Variants in COPG2 observed in about 807,000 individuals in gnomAD.
COPG2 encodes the protein coatomer subunit gamma-2.
A neutral mutation model predicts 46.3 loss-of-function variants in COPG2; 37 were observed. The observed-to-expected ratio is 0.80, with a 90% CI of 0.61 to 1.05. The LOEUF (loss-of-function observed/expected upper bound fraction) is 1.05. Ranked by LOEUF, COPG2 falls within the 50% of genes least tolerant of loss-of-function variation. The probability of loss-of-function intolerance (pLI) is 0.00; values close to 1 mark genes in which losing one functional copy is unlikely to be tolerated. For missense variants in COPG2, 427 were observed against 387.8 expected (o/e 1.10, Z -0.85); for synonymous variants, 159 against 129.7 (o/e 1.23, Z -1.53).
At chr7:130,511,798 A>G (rs370677945) in intron 20 of COPG2, 3 of 519,504 alleles carry the variant, frequency 5.8e-6, no homozygotes, top group Non-Finnish European at 1.2e-5. Flanking sequence ...ATACACAGAA[A>G]GGGTTAAGGA....
At chr7:130,631,718 CAT>C (rs368224438) in intron 5 of COPG2, among the ~76,000 whole-genome samples, 13 of 138,696 alleles carry the variant, frequency 9.4e-5, no homozygotes, top group South Asian at 2.4e-4. Context: ...TTTTATTTTA[CAT>C]ATGTTATAAA....
intron 5 of COPG2, among the ~76,000 whole-genome samples, chr7:130,637,213 T>C (rs1183133040): frequency 3.9e-5 from 6 of 152,222 alleles, no homozygotes; most frequent in African/African-American, 1.4e-4. Context: ...GGGGTTGCTC[T>C]TCTCGAGGAG....
At chr7:130,602,306 C>A (rs960905400) in intron 9 of COPG2, among the ~76,000 whole-genome samples, 4 of 152,072 alleles carry the variant, frequency 2.6e-5, no homozygotes, top group Non-Finnish European at 5.9e-5. Context: ...TTTTCTTCGA[C>A]ATTTTGAAAG....
intron 5 of COPG2, among the ~76,000 whole-genome samples, chr7:130,622,220 G>A (rs138881002): frequency 1.2e-4 from 18 of 152,264 alleles, no homozygotes; most frequent in African/African-American, 3.4e-4. Context: ...GCAATCTTCC[G>A]AGGAGCCTTA....
chr7:130,555,589 G>A (rs895012097), intron 12 of COPG2, among the ~76,000 whole-genome samples: 1 of 152,188 alleles, frequency 6.6e-6, no homozygotes, highest in Non-Finnish European at 1.5e-5. Context: ...CACTGTGGGA[G>A]GCTAAGGTGG....
intron 7 of COPG2, among the ~76,000 whole-genome samples, chr7:130,612,694 T>C (rs1794873596): frequency 6.6e-6 from 1 of 152,138 alleles, no homozygotes; most frequent in Admixed American, 6.5e-5. Context: ...GTTAATCAAA[T>C]GCAATGTGAT....
chr7:130,541,231 C>T (rs1260314459), intron 20 of COPG2, among the ~76,000 whole-genome samples: 3 of 152,132 alleles, frequency 2.0e-5, no homozygotes, highest in African/African-American at 7.2e-5. Flanking sequence ...TTTTCCAATG[C>T]CTCGGTCCCA....
chr7:130,563,702 C>T lies in COPG2; in HGVS notation c.872-366G>A, dbSNP rs1793753955. ...CCAGGAGGCAGAGCTTGCAGTGAGC[C>T]GAGCTATCGTGCCACTGCACTCCTG... On this transcript the variant is annotated intron_variant, in intron 10 of 23. Coordinates refer to ENST00000425248, the MANE Select transcript of COPG2 (RefSeq NM_012133.6). Among the ~76,000 whole-genome samples, 5 of 143,236 alleles carry T rather than the reference C, an allele frequency of 3.5e-5. No individual in the cohort carries two copies. The South Asian group carries it at 1.1e-3, about 31-fold the overall frequency. 94.0% of individuals were successfully genotyped at this position (143,236 alleles called of 152,430 possible). A position where few individuals can be genotyped will look rare whatever the true frequency, so the allele number is the denominator to read the frequency against.
At chr7:130,600,418 G>A (rs1381730198) in intron 9 of COPG2, among the ~76,000 whole-genome samples, 3 of 151,984 alleles carry the variant, frequency 2.0e-5, no homozygotes, top group Non-Finnish European at 4.4e-5. Flanking sequence ...GTGCCACCAC[G>A]CCTGGCTAAT....
chr7:130,513,821 C>T (rs1799650702), intron 20 of COPG2, among the ~76,000 whole-genome samples: 2 of 152,094 alleles, frequency 1.3e-5, no homozygotes, highest in African/African-American at 4.8e-5. Context: ...AAACAAGTGA[C>T]TAACAGTTGT....
rs1554452200 is a variant in COPG2 at position 130,612,176 on chromosome 7, T to C, written c.555A>G (p.Ala185=). The change falls in exon 8 of 24, where the codon GCA becomes GCG. Residue 185 remains alanine (A), a synonymous_variant. Transcript: ENST00000425248. ...KRWINEAQEA[A]SSDNIMVQYH... ...CCTGGACCATAATATTATCACTTGATGCAGCTTCTTGGGCTTCATTGATCC... is the reference window on the plus strand; with the variant it reads ...CCTGGACCATAATATTATCACTTGACGCAGCTTCTTGGGCTTCATTGATCC... 4 of 1,611,672 alleles carry C rather than the reference T, an allele frequency of 2.5e-6. No individual in the cohort carries two copies. The highest frequency in any genetic ancestry group is 1.7e-5 in the Admixed American group (1 of 59,918).
At position 130,507,265 on chromosome 7, in the gene COPG2, G is replaced by C. The variant is rs573022660; in HGVS notation, c.2485+9C>G. On this transcript the variant is annotated intron_variant, in intron 23 of 23. Transcript: ENST00000425248. ...AAAATGGAAGGAAAATCTGATGGAA[G>C]CTTCTTACCTGCCAGATAGAGCGAA... is the stretch of plus-strand genomic sequence containing the variant. 1 of 780,548 alleles carries C rather than the reference G, an allele frequency of 1.3e-6. No individual in the cohort carries two copies. Among genetic ancestry groups the C allele is most frequent in the Non-Finnish European group, 2.4e-6 (1 of 417,762 alleles). 48.4% of individuals were successfully genotyped at this position (780,548 alleles called of 1,614,324 possible).
intron 6 of COPG2, 124 bp from the exon 7 acceptor site, chr7:130,613,760 C>A: frequency 3.0e-6 from 2 of 669,446 alleles, no homozygotes; most frequent in South Asian, 3.6e-5. Context: ...ATTCAGAATG[C>A]ACTAAAAGGA....
At chr7:130,659,060 T>C (rs1795915566) in intron 4 of COPG2, among the ~76,000 whole-genome samples, 1 of 151,906 alleles carries the variant, frequency 6.6e-6, no homozygotes, top group Non-Finnish European at 1.5e-5. Context: ...AATAAGTACA[T>C]GAAAATATGC....
At chr7:130,596,487 T>G (rs1226629819) in intron 9 of COPG2, among the ~76,000 whole-genome samples, 3 of 152,240 alleles carry the variant, frequency 2.0e-5, no homozygotes, top group Non-Finnish European at 4.4e-5. Flanking sequence ...GCAGGCTTGC[T>G]GCTTTCAAAC....
intron 5 of COPG2, among the ~76,000 whole-genome samples, chr7:130,646,906 T>C (rs1795604672): frequency 7.1e-6 from 1 of 140,328 alleles, no homozygotes; most frequent in African/African-American, 2.5e-5. Flanking sequence ...TTACCCAGTC[T>C]CGGATAGTGT....
At chr7:130,551,433 C>T (rs949816259) in intron 15 of COPG2, 89 bp from the exon 16 acceptor site, 96 of 394,824 alleles carry the variant, frequency 2.4e-4, no homozygotes, top group African/African-American at 1.5e-3. Flanking sequence ...CAGCTCAGGT[C>T]GTCATCTGAT....
At chr7:130,595,260 A>G (rs1794505741) in intron 9 of COPG2, among the ~76,000 whole-genome samples, 1 of 152,212 alleles carries the variant, frequency 6.6e-6, no homozygotes, top group Admixed American at 6.5e-5. Flanking sequence ...GCCAGAAACA[A>G]AAGGCCACAT....
chr7:130,601,304 C>T (rs1235139731), intron 9 of COPG2, among the ~76,000 whole-genome samples: 1 of 152,170 alleles, frequency 6.6e-6, no homozygotes, highest in African/African-American at 2.4e-5. Flanking sequence ...CCAGCAATCC[C>T]ATTACTGGGT....
Sources: allele counts gnomAD v4.1 joint callset (sites outside exome capture counted in the v4.1 genomes callset), GRCh38; gene constraint gnomAD v4.1.1; transcripts MANE v1.5; gene names NCBI Gene and HGNC (gene_info 2026-07-23, HGNC 2026-07-21).